DCPH1: variants seen among roughly 807,000 people sequenced by gnomAD.
DCPH1 encodes the protein damage-control phosphatase 1.
At chr6:151,458,267 C>A in the DCPH1 span, 1 of 1,543,512 alleles carries the variant, frequency 6.5e-7, no homozygotes, top group South Asian at 1.3e-5. Flanking sequence ...AAATATGTTA[C>A]CCTAGAGGAA....
At chr6:151,468,518 C>G in the DCPH1 span, 14 of 1,613,710 alleles carry the variant, frequency 8.7e-6, no homozygotes, top group Non-Finnish European at 1.2e-5. Flanking sequence ...AAAGCTTCTG[C>G]TACTAGAGTG....
chr6:151,454,648 G>T, the DCPH1 span: 2 of 1,464,662 alleles, frequency 1.4e-6, no homozygotes, highest in Non-Finnish European at 1.9e-6. Flanking sequence ...TGAGAAACAC[G>T]GAGAGGTAAG....
chr6:151,464,368 C>A, the DCPH1 span: 1 of 855,528 alleles, frequency 1.2e-6, no homozygotes, highest in Non-Finnish European at 1.8e-6. Context: ...ATTATTGAGA[C>A]TGTATGGTGC....
At chr6:151,463,265 T>G in the DCPH1 span, among the ~76,000 whole-genome samples, 9 of 152,336 alleles carry the variant, frequency 5.9e-5, no homozygotes, top group Admixed American at 5.2e-4. Context: ...AAACCATCTT[T>G]GAATTATTTG....
chr6:151,468,312 G>T, the DCPH1 span: 1 of 1,471,762 alleles, frequency 6.8e-7, no homozygotes, highest in Non-Finnish European at 9.1e-7. Flanking sequence ...TTCAGAAGAA[G>T]GGTGAATATT....
the DCPH1 span, among the ~76,000 whole-genome samples, chr6:151,466,599 A>G: frequency 3.3e-5 from 5 of 151,882 alleles, no homozygotes; most frequent in African/African-American, 4.8e-5. Context: ...AAGTCATAGC[A>G]CTCTCCCACT....
At chr6:151,455,921 T>G in the DCPH1 span, among the ~76,000 whole-genome samples, 1 of 152,264 alleles carries the variant, frequency 6.6e-6, no homozygotes, top group Non-Finnish European at 1.5e-5. Context: ...GTACTTGAGA[T>G]TAGGGAGTGG....
chr6:151,465,550 G>A, the DCPH1 span, among the ~76,000 whole-genome samples: 1 of 152,156 alleles, frequency 6.6e-6, no homozygotes, highest in Non-Finnish European at 1.5e-5. Context: ...AGAGGTAGCG[G>A]GGTGGAAGGG....
chr6:151,468,648 T>A, the DCPH1 span: 1 of 1,614,014 alleles, frequency 6.2e-7, no homozygotes, highest in Non-Finnish European at 8.5e-7. Context: ...TTCCATGGTT[T>A]GTTTCTGATA....
chr6:151,468,190 G>C, the DCPH1 span, among the ~76,000 whole-genome samples: 2 of 152,110 alleles, frequency 1.3e-5, no homozygotes, highest in African/African-American at 4.8e-5. Flanking sequence ...TAATTTTTGT[G>C]CATTGTTAGA....
chr6:151,452,645 G>A, the DCPH1 span: 2 of 1,551,388 alleles, frequency 1.3e-6, no homozygotes, highest in Admixed American at 2.0e-5. Flanking sequence ...CCGGGAGCCT[G>A]TGGGGACTAA....
At chr6:151,453,866 G>A in the DCPH1 span, among the ~76,000 whole-genome samples, 1 of 152,236 alleles carries the variant, frequency 6.6e-6, no homozygotes, top group African/African-American at 2.4e-5. Context: ...GCAGGTATAA[G>A]TTTTTCTTCA....
chr6:151,464,612 T>A, the DCPH1 span: 2 of 1,604,124 alleles, frequency 1.2e-6, no homozygotes, highest in Non-Finnish European at 1.7e-6. Flanking sequence ...TTTTTAAACT[T>A]CTGCAGGTAA....
the DCPH1 span, chr6:151,468,702 CAG>C: frequency 6.2e-7 from 1 of 1,614,074 alleles, no homozygotes; most frequent in Middle Eastern, 1.6e-4. Context: ...AGGTAAAACA[CAG>C]TAATCATAAG....
the DCPH1 span, among the ~76,000 whole-genome samples, chr6:151,457,258 A>G: frequency 6.6e-6 from 1 of 152,162 alleles, no homozygotes; most frequent in East Asian, 1.9e-4. Context: ...GGCTTTATTC[A>G]TCTTTCTCTG....
chr6:151,468,624 T>C, the DCPH1 span: 1 of 1,614,176 alleles, frequency 6.2e-7, no homozygotes, highest in Non-Finnish European at 8.5e-7. Context: ...AGGTTCATTT[T>C]TATGGAAAAA....
chr6:151,468,060 CTT>C, the DCPH1 span, among the ~76,000 whole-genome samples: 1 of 152,204 alleles, frequency 6.6e-6, no homozygotes, highest in Admixed American at 6.5e-5. Context: ...GCTGCAAAAA[CTT>C]TTATTCTGAA....
chr6:151,459,668 G>A, the DCPH1 span, among the ~76,000 whole-genome samples: 1 of 152,138 alleles, frequency 6.6e-6, no homozygotes, highest in Non-Finnish European at 1.5e-5. Context: ...GCACATGCCT[G>A]TTGTCCCAGC....
chr6:151,469,467 TTCTTAAA>T, the DCPH1 span: 1 of 181,974 alleles, frequency 5.5e-6, no homozygotes, highest in Non-Finnish European at 1.1e-5. Context: ...CCTTGTTCTT[TTCTTAAA>T]TAGTACACTG....
Sources: allele counts gnomAD v4.1 joint callset (sites outside exome capture counted in the v4.1 genomes callset), GRCh38; gene constraint gnomAD v4.1.1; transcripts MANE v1.5; gene names NCBI Gene and HGNC (gene_info 2026-07-23, HGNC 2026-07-21).